The following MPP7 variants were observed in gnomAD, a reference collection of about 807,000 sequenced individuals.
MPP7 encodes MAGUK p55 subfamily member 7.
A neutral mutation model predicts 76.5 loss-of-function variants in MPP7; 60 were observed. The ratio of observed to expected loss-of-function variants is 0.78; its 90% CI spans 0.64 to 0.97. The LOEUF (loss-of-function observed/expected upper bound fraction) is 0.97, where lower values mean the gene tolerates loss of function less well. MPP7 is among the 50% of genes least tolerant of loss of function. The pLI is 0.00. For synonymous variants in MPP7, 237 were observed against 244.5 expected (o/e 0.97, Z 0.29); for missense variants, 641 against 694.0 (o/e 0.92, Z 0.86).
At chr10:28,218,710 T>A (rs1000837643) in intron 2 of MPP7, among the ~76,000 whole-genome samples, 37 of 152,090 alleles carry the variant, frequency 2.4e-4, no homozygotes, top group African/African-American at 8.9e-4. Flanking sequence ...AAAGCCTAAT[T>A]CAAAGTAAAA....
At chr10:28,057,982 G>T in intron 15 of MPP7, 1 of 687,536 alleles carries the variant, frequency 1.5e-6, no homozygotes, top group Non-Finnish European at 2.0e-6. Flanking sequence ...GATGACAGGT[G>T]CAGACATGGC....
At chr10:28,185,473 T>A (rs540790508) in intron 3 of MPP7, among the ~76,000 whole-genome samples, 2 of 152,102 alleles carry the variant, frequency 1.3e-5, no homozygotes, top group South Asian at 4.1e-4. Flanking sequence ...ATAGACAGAC[T>A]CAATGAGAAG....
Position 28,237,485 on chromosome 10 carries a change from T to C in MPP7, c.37+1083A>G, listed in dbSNP as rs893711721. Among the ~76,000 whole-genome samples, 3 of 152,164 alleles carry C rather than the reference T, an allele frequency of 2.0e-5. No individual in the cohort carries two copies. The South Asian group carries it at 6.2e-4, about 32-fold the overall frequency. ...AGCGGAAAAAAAAAATCATTCTTGA[T>C]GGATAAAGATGAGACAAAACTTGCC... On this transcript the variant is annotated intron_variant, in intron 2 of 16. Transcript: ENST00000683449.
At position 28,239,862 on chromosome 10, in the gene MPP7, T is replaced by C. The variant is rs563728438; in HGVS notation, c.-131-1127A>G. Among the ~76,000 whole-genome samples, 112 of 152,298 alleles carry C rather than the reference T, an allele frequency of 7.4e-4. 2 individuals carry two copies. In the South Asian group the frequency reaches 0.023, roughly 31 times the overall value. On this transcript the variant is annotated intron_variant, in intron 1 of 16. Transcript: ENST00000683449. ...CCTTATATGCAAATAGAGACAATAG[T>C]AAATTAGAACTATTTGGTAATTAAA... is the stretch of plus-strand genomic sequence containing the variant.
At chr10:28,199,661 T>C (rs1204151064) in intron 3 of MPP7, among the ~76,000 whole-genome samples, 1 of 152,110 alleles carries the variant, frequency 6.6e-6, no homozygotes, top group Non-Finnish European at 1.5e-5. Context: ...GACTGGAGCA[T>C]AGTAGTGTGA....
At chr10:28,098,404 T>C (rs556490918) in intron 11 of MPP7, among the ~76,000 whole-genome samples, 10 of 151,970 alleles carry the variant, frequency 6.6e-5, no homozygotes, top group African/African-American at 1.7e-4. Flanking sequence ...TACAGAAATA[T>C]AGAAGAAAAT....
intron 4 of MPP7, among the ~76,000 whole-genome samples, chr10:28,148,664 C>T (rs1052789602): frequency 6.6e-5 from 10 of 152,078 alleles, no homozygotes; most frequent in African/African-American, 2.4e-4. Context: ...TACAAAAAGA[C>T]ATAAAGGTCA....
At chr10:28,213,716 T>C (rs1033966756) in intron 2 of MPP7, among the ~76,000 whole-genome samples, 1 of 146,228 alleles carries the variant, frequency 6.8e-6, no homozygotes, top group African/African-American at 2.6e-5. Context: ...TGCTTGAACC[T>C]GGGAGGTGGA....
At chr10:28,264,931 T>C (rs766814107) in intron 1 of MPP7, among the ~76,000 whole-genome samples, 1 of 152,142 alleles carries the variant, frequency 6.6e-6, no homozygotes, top group Non-Finnish European at 1.5e-5. Context: ...CCAAATGCTG[T>C]TGATATTGAG....
At chr10:28,194,879 G>A (rs1837529830) in intron 3 of MPP7, among the ~76,000 whole-genome samples, 1 of 152,200 alleles carries the variant, frequency 6.6e-6, no homozygotes, top group African/African-American at 2.4e-5. Context: ...TAATAATAAT[G>A]TATCAACCAA....
intron 2 of MPP7, among the ~76,000 whole-genome samples, chr10:28,321,035 C>T (rs1834364675): frequency 6.6e-6 from 1 of 152,098 alleles, no homozygotes; most frequent in Non-Finnish European, 1.5e-5. Flanking sequence ...TTCCTCCCCA[C>T]CGGGGAGATA....
intron 1 of MPP7, among the ~76,000 whole-genome samples, chr10:28,249,449 C>T (rs887011194): frequency 3.3e-5 from 5 of 152,090 alleles, no homozygotes; most frequent in African/African-American, 1.2e-4. Flanking sequence ...ATTAGCCGGG[C>T]ATGGTGGCAC....
intron 12 of MPP7, 118 bp downstream of exon 12, chr10:28,089,553 A>G: frequency 1.2e-6 from 1 of 845,508 alleles, no homozygotes; most frequent in Non-Finnish European, 1.8e-6. Flanking sequence ...GACAAGACAA[A>G]AGGTGTTGAA....
At chr10:28,163,577 A>T (rs1474514617) in intron 3 of MPP7, among the ~76,000 whole-genome samples, 14 of 152,200 alleles carry the variant, frequency 9.2e-5, no homozygotes, top group Non-Finnish European at 1.8e-4. Context: ...AAATATTTTC[A>T]AATAAATAAA....
At chr10:28,326,009 A>G (rs938242223) in intron 2 of MPP7, among the ~76,000 whole-genome samples, 1 of 151,574 alleles carries the variant, frequency 6.6e-6, no homozygotes, top group Non-Finnish European at 1.5e-5. Context: ...CCTTAAAGAG[A>G]AAAATCTGGC....
chr10:28,321,250 G>A (rs1438264296), intron 2 of MPP7, among the ~76,000 whole-genome samples: 1 of 152,166 alleles, frequency 6.6e-6, no homozygotes, highest in Non-Finnish European at 1.5e-5. Context: ...GTTAATTTTA[G>A]ATATGAAAAT....
intron 3 of MPP7, among the ~76,000 whole-genome samples, chr10:28,165,238 G>A (rs76471324): frequency 0.017 from 2,551 of 152,238 alleles, 53 homozygotes; most frequent in African/African-American, 0.055. Flanking sequence ...TTAAAATAAA[G>A]ATATTGATTG....
intron 1 of MPP7, among the ~76,000 whole-genome samples, chr10:28,276,018 G>C (rs540740226): frequency 6.6e-6 from 1 of 150,450 alleles, no homozygotes; most frequent in Non-Finnish European, 1.5e-5. Flanking sequence ...TGACCAAAAA[G>C]GCCATCACAT....
intron 2 of MPP7, among the ~76,000 whole-genome samples, chr10:28,208,854 C>T (rs1412209189): frequency 1.3e-5 from 2 of 151,858 alleles, no homozygotes; most frequent in South Asian, 2.1e-4. Context: ...GGTATGTGTC[C>T]CCTCTAAGTC....
Sources: gnomAD v4.1 joint callset for allele counts (sites outside exome capture counted in the v4.1 genomes callset) on GRCh38, gnomAD v4.1.1 for gene constraint, MANE v1.5 for transcripts, NCBI Gene and HGNC (gene_info 2026-07-23, HGNC 2026-07-21) for gene names.